The following PDXDC1 variants were observed in gnomAD, a reference collection of about 807,000 sequenced individuals.
PDXDC1 encodes pyridoxal-dependent decarboxylase domain-containing protein 1.
A neutral mutation model predicts 100.1 loss-of-function variants in PDXDC1; 42 were observed. The observed-to-expected ratio is 0.42, with a 90% CI of 0.33 to 0.54. The LOEUF is 0.54. Ranked by LOEUF, PDXDC1 falls within the 20% of genes least tolerant of loss-of-function variation. The pLI, the probability that PDXDC1 is intolerant of heterozygous loss-of-function variation, is 0.10. For synonymous variants in PDXDC1, 260 were observed against 371.7 expected (o/e 0.70, Z 3.46); for missense variants, 636 against 979.2 (o/e 0.65, Z 4.68).
the PDXDC1 span, among the ~76,000 whole-genome samples, chr16:15,145,300 G>C: frequency 1.3e-5 from 2 of 152,244 alleles, no homozygotes; most frequent in Non-Finnish European, 2.9e-5. Context: ...CTCGGCTGTG[G>C]GCACAGCCAA....
downstream of PDXDC1, among the ~76,000 whole-genome samples, chr16:15,141,963 T>C (rs2941265): frequency 0.5 from 75,715 of 152,012 alleles, 22,667 homozygotes; most frequent in Non-Finnish European, 0.67. Flanking sequence ...CACCAGGACC[T>C]GAGGCGCAGC....
chr16:15,010,674 T>C (rs2041186648), intron 8 of PDXDC1, among the ~76,000 whole-genome samples: 1 of 152,226 alleles, frequency 6.6e-6, no homozygotes. Context: ...AAAAAATAAC[T>C]GACAGATTAG....
At chr16:15,017,553 A>T in intron 11 of PDXDC1, 131 bp downstream of exon 11, 1 of 733,410 alleles carries the variant, frequency 1.4e-6, no homozygotes, top group Non-Finnish European at 2.3e-6. Flanking sequence ...ATTTTTTTAA[A>T]GAGAAACTTG....
At chr16:15,131,453 A>C (rs879238536) in intron 16 of PDXDC1, 5 of 1,607,904 alleles carry the variant, frequency 3.1e-6, no homozygotes, top group African/African-American at 1.3e-5. Context: ...GGGATGGAGA[A>C]GTGGCAGCCA....
Position 15,063,704 on chromosome 16 carries a change from C to CAAA in PDXDC1, c.1399+33664_1399+33666dup, listed in dbSNP as rs10664930. On this transcript the variant is annotated intron_variant, in intron 16 of 16. Coordinates refer to the PDXDC1 transcript ENST00000535621. ...TGGGAGACAGAGCAAGACTCTGTCT[C>CAAA]AAAAAAAAAAAAAAAAAAGAAAAAA... is the stretch of plus-strand genomic sequence containing the variant. 1.7e-3 allele frequency among the ~76,000 whole-genome samples: 153 copies of CAAA among 88,922 alleles called. 1 individual carries two copies. Among genetic ancestry groups the CAAA allele is most frequent in the Non-Finnish European group, 1.2e-3 (58 of 49,006 alleles). The allele number at this position is 88,922 out of a possible 152,430, so 58.3% of individuals were successfully genotyped here.
intron 16 of PDXDC1, chr16:15,104,899 C>A: frequency 6.5e-7 from 1 of 1,533,614 alleles, no homozygotes; most frequent in Non-Finnish European, 8.7e-7. Context: ...ATAGCAGTAT[C>A]AGTGTCATAT....
At chr16:15,013,349 AAAAAAAAAAG>A (rs1467826630) in intron 8 of PDXDC1, among the ~76,000 whole-genome samples, 4 of 46,928 alleles carry the variant, frequency 8.5e-5, no homozygotes, top group Admixed American at 2.5e-4. Flanking sequence ...ACCCTATCTC[AAAAAAAAAAG>A]AAAAAAAAAA....
chr16:15,065,038 T>C (rs1284252168), intron 16 of PDXDC1, among the ~76,000 whole-genome samples: 1 of 151,794 alleles, frequency 6.6e-6, no homozygotes, highest in Non-Finnish European at 1.5e-5. Flanking sequence ...TGGCAGTGGG[T>C]GCCTGTAGTC....
intron 8 of PDXDC1, among the ~76,000 whole-genome samples, chr16:15,013,111 A>C (rs1394036935): frequency 3.3e-5 from 5 of 152,256 alleles, no homozygotes; most frequent in African/African-American, 1.2e-4. Flanking sequence ...CAGAGGTTGC[A>C]GTGAGGTGAG....
intron 16 of PDXDC1, among the ~76,000 whole-genome samples, chr16:15,096,362 G>A (rs1342254025): frequency 6.6e-6 from 1 of 152,134 alleles, no homozygotes; most frequent in East Asian, 1.9e-4. Flanking sequence ...GCCCGCCTTG[G>A]CATCCCAAAG....
intron 16 of PDXDC1, among the ~76,000 whole-genome samples, chr16:15,082,270 A>C (rs2045739392): frequency 1.3e-5 from 2 of 152,174 alleles, no homozygotes; most frequent in African/African-American, 4.8e-5. Context: ...TTTTCTCGTA[A>C]AAGGATATTG....
intron 16 of PDXDC1, among the ~76,000 whole-genome samples, chr16:15,043,508 C>T (rs1247499401): frequency 6.6e-6 from 1 of 152,228 alleles, no homozygotes; most frequent in African/African-American, 2.4e-5. Context: ...CGCCACTGCA[C>T]TACAGCCTGA....
downstream of PDXDC1, among the ~76,000 whole-genome samples, chr16:15,041,976 A>G (rs2043836616): frequency 6.6e-6 from 1 of 152,094 alleles, no homozygotes. Flanking sequence ...GATTTATAAG[A>G]TTTTTACTTT....
intron 16 of PDXDC1, among the ~76,000 whole-genome samples, chr16:15,074,097 G>A (rs1218499783): frequency 6.6e-6 from 1 of 152,148 alleles, no homozygotes. Context: ...GAGTAGAAAT[G>A]TGGCCATTTA....
At chr16:15,104,292 A>C in intron 16 of PDXDC1, 3 of 1,463,302 alleles carry the variant, frequency 2.1e-6, no homozygotes, top group Non-Finnish European at 2.7e-6. Context: ...AAACAAAGCA[A>C]TAACATAAGG....
chr16:15,141,620 C>A (rs61531445), downstream of PDXDC1, among the ~76,000 whole-genome samples: 2 of 152,222 alleles, frequency 1.3e-5, no homozygotes, highest in Non-Finnish European at 2.9e-5. Flanking sequence ...CCGCTTCCCC[C>A]CTAACTGAAC....
At chr16:15,039,813 G>C (rs551966467), downstream of PDXDC1, among the ~76,000 whole-genome samples, 1 of 152,314 alleles carries the variant, frequency 6.6e-6, no homozygotes, top group Admixed American at 6.5e-5. Flanking sequence ...GAGACAGCAA[G>C]TGTGGGGAGG....
At chr16:15,041,488 C>G (rs951721814), downstream of PDXDC1, 8 of 755,134 alleles carry the variant, frequency 1.1e-5, no homozygotes, top group Admixed American at 7.1e-5. Flanking sequence ...GGCCATCCCA[C>G]CACAGGAAGA....
chr16:15,147,901 G>A, the PDXDC1 span, among the ~76,000 whole-genome samples: 8 of 151,946 alleles, frequency 5.3e-5, no homozygotes, highest in African/African-American at 1.7e-4. Context: ...TGGTCAGGCT[G>A]GTCACAAATT....
Sources: gnomAD v4.1 joint callset for allele counts (sites outside exome capture counted in the v4.1 genomes callset) on GRCh38, gnomAD v4.1.1 for gene constraint, MANE v1.5 for transcripts, NCBI Gene and HGNC (gene_info 2026-07-23, HGNC 2026-07-21) for gene names.